The following ZNF148 variants were observed in gnomAD, a reference collection of about 807,000 sequenced individuals.
ZNF148 encodes the protein zinc finger protein 148, also known as Beta-Enolase Repressor Factor-1.
Under a neutral mutation model 67.7 loss-of-function variants are expected in ZNF148, and 7 were observed. That is an observed-to-expected ratio of 0.10 (90% CI 0.06 to 0.19). ZNF148 has a LOEUF of 0.19. Among genes scored for constraint, ZNF148 ranks in the 10% least tolerant of loss-of-function variants. The pLI, the probability that ZNF148 is intolerant of heterozygous loss-of-function variation, is 1.00. For synonymous variants in ZNF148, 333 were observed against 330.7 expected (o/e 1.01, Z -0.08); for missense variants, 583 against 947.1 (o/e 0.62, Z 5.05).
intron 4 of ZNF148, among the ~76,000 whole-genome samples, chr3:125,308,108 AAAGT>A (rs1239819511): frequency 1.2e-4 from 18 of 152,348 alleles, no homozygotes; most frequent in African/African-American, 3.4e-4. Context: ...TACAGATTGG[AAAGT>A]AAGTAAAACA....
intron 7 of ZNF148, among the ~76,000 whole-genome samples, chr3:125,269,464 T>C (rs1218062322): frequency 7.0e-6 from 1 of 143,190 alleles, no homozygotes; most frequent in Non-Finnish European, 1.5e-5. Context: ...AAAAAAAACA[T>C]GTTGGCGAAG....
Position 125,233,448 on chromosome 3 carries a change from A to G in ZNF148, c.1278T>C (p.Ala426=). Reference sequence around the variant, plus strand: ...AAGCCTGTTTATCCACAAGTTCAAAAGCATACTTTGAAACTTTGCTCTCTT... The same window carrying G: ...AAGCCTGTTTATCCACAAGTTCAAAGGCATACTTTGAAACTTTGCTCTCTT... ...TYEESKVSKY[A]FELVDKQALL... Residue 426 remains alanine (A), a synonymous_variant, in exon 9 of 9, where the codon GCT becomes GCC. Coordinates refer to ENST00000360647, the MANE Select transcript of ZNF148 (RefSeq NM_021964.3). The surrounding 1 kb of genome is among the most constrained non-coding windows in gnomAD (Gnocchi z 5.1). 1 of 1,613,934 alleles carries G rather than the reference A, an allele frequency of 6.2e-7. No homozygotes were observed. Among genetic ancestry groups the G allele is most frequent in the African/African-American group, 1.3e-5 (1 of 75,040 alleles).
chr3:125,366,537 C>T (rs1559786328), intron 1 of ZNF148, among the ~76,000 whole-genome samples: 4 of 151,964 alleles, frequency 2.6e-5, no homozygotes. Context: ...CCTTGGCCAG[C>T]TTTTTTTCTT....
At position 125,309,142 on chromosome 3, in the gene ZNF148, C is replaced by T. The variant is rs1940059335; in HGVS notation, c.333+4166G>A. ...CCAGGATTACTAAAACATTTGGTAT[C>T]TTGATGGATTATGGATTATACAAGT... On this transcript the variant is annotated intron_variant, in intron 4 of 8. Transcript: ENST00000360647. 2.0e-5 allele frequency among the ~76,000 whole-genome samples: 3 copies of T among 152,256 alleles called. 1 individual carries two copies. The highest frequency in any genetic ancestry group is 4.1e-4 in the South Asian group (2 of 4,820).
chr3:125,233,023 G>A lies in ZNF148; in HGVS notation c.1703C>T (p.Thr568Ile). The change falls in exon 9 of 9, where the codon ACT becomes ATT. Residue 568 changes from threonine to isoleucine, a missense_variant. Transcript: ENST00000360647. The surrounding 1 kb of genome is among the most constrained non-coding windows in gnomAD (Gnocchi z 5.1). Reference sequence around the variant, plus strand: ...TGAAGAATTTATTGATATGCTAGAAGTCACTTCAGTATCTGCAACACTGAA... The same window carrying A: ...TGAAGAATTTATTGATATGCTAGAAATCACTTCAGTATCTGCAACACTGAA... ...ISFSVADTEV[T>I]SSISINSSEV... 1 of 1,613,516 alleles carries A rather than the reference G, an allele frequency of 6.2e-7. No individual in the cohort carries two copies. The highest frequency in any genetic ancestry group is 8.5e-7 in the Non-Finnish European group (1 of 1,179,840).
Position 125,229,206 on chromosome 3 carries a change from T to C in ZNF148, c.*3135A>G, listed in dbSNP as rs1157476402. 1.1e-4 allele frequency: 1 copy of C among 9,058 alleles called. No individual in the cohort carries two copies. Among genetic ancestry groups the C allele is most frequent in the East Asian group, 7.5e-4 (1 of 1,340 alleles). 0.6% of individuals were successfully genotyped at this position (9,058 alleles called of 1,614,324 possible). A position where few individuals can be genotyped will look rare whatever the true frequency, so the allele number is the denominator to read the frequency against. On this transcript the variant is annotated 3_prime_UTR_variant, in exon 9 of 9. Transcript: ENST00000360647. ...GCCTACTTTTAAAGTTTCCCGGCCTTTTTTTTTTTTTTTTAAACAGCCCTT... is the reference window on the plus strand; with the variant it reads ...GCCTACTTTTAAAGTTTCCCGGCCTCTTTTTTTTTTTTTTAAACAGCCCTT...
intron 7 of ZNF148, among the ~76,000 whole-genome samples, chr3:125,265,859 G>A (rs552718344): frequency 6.6e-6 from 1 of 152,012 alleles, no homozygotes; most frequent in South Asian, 2.1e-4. Flanking sequence ...TTTAATTAAT[G>A]CACTTGTCTC....
At chr3:125,290,185 G>A (rs1215673218) in intron 4 of ZNF148, among the ~76,000 whole-genome samples, 1 of 152,152 alleles carries the variant, frequency 6.6e-6, no homozygotes, top group Non-Finnish European at 1.5e-5. Flanking sequence ...GAAGCGGTCA[G>A]ACATGATTTC....
At chr3:125,282,737 A>C (rs934894765) in intron 5 of ZNF148, among the ~76,000 whole-genome samples, 16 of 152,162 alleles carry the variant, frequency 1.1e-4, no homozygotes, top group Non-Finnish European at 2.1e-4. Context: ...ACATATGGTA[A>C]AGGTTATCTT....
rs1935802334 is a variant in ZNF148 at position 125,230,370 on chromosome 3, A to C, written c.*1971T>G. 6.6e-6 allele frequency: 1 copy of C among 152,590 alleles called. No homozygotes were observed. The highest frequency in any genetic ancestry group is 6.6e-5 in the Admixed American group (1 of 15,264). The allele number at this position is 152,590 out of a possible 1,614,324, so 9.5% of individuals were successfully genotyped here. On this transcript the variant is annotated 3_prime_UTR_variant, in exon 9 of 9. Transcript: ENST00000360647. ...TGCACAACACAACACACACAATCTT[A>C]AGAGTCAATAATGGCAGAACTTAAA...
At chr3:125,327,321 A>C (rs1308838509) in intron 2 of ZNF148, among the ~76,000 whole-genome samples, 1 of 152,090 alleles carries the variant, frequency 6.6e-6, no homozygotes, top group East Asian at 1.9e-4. Flanking sequence ...CACTCTAAAT[A>C]AGTGACAGAA....
chr3:125,333,465 C>G (rs1355526066), intron 1 of ZNF148, among the ~76,000 whole-genome samples: 1 of 152,182 alleles, frequency 6.6e-6, no homozygotes, highest in African/African-American at 2.4e-5. Flanking sequence ...ATTCATTTAG[C>G]ATCATCTACT....
chr3:125,332,897 T>C (rs1941346399), intron 1 of ZNF148, among the ~76,000 whole-genome samples: 1 of 152,196 alleles, frequency 6.6e-6, no homozygotes, highest in Non-Finnish European at 1.5e-5. Flanking sequence ...ATATTATATA[T>C]TCTGTACACA....
chr3:125,317,662 T>TAG (rs1553708261), intron 3 of ZNF148, among the ~76,000 whole-genome samples: 10,155 of 90,060 alleles, frequency 0.11, 626 homozygotes, highest in East Asian at 0.21. Flanking sequence ...TATATATATA[T>TAG]AGAGAGAGAG....
chr3:125,321,278 T>C (rs1940758850), intron 3 of ZNF148, among the ~76,000 whole-genome samples: 1 of 152,126 alleles, frequency 6.6e-6, no homozygotes, highest in African/African-American at 2.4e-5. Flanking sequence ...TGGTCTCTGA[T>C]CAGTGCTAAC....
intron 1 of ZNF148, among the ~76,000 whole-genome samples, chr3:125,352,754 G>A (rs551368020): frequency 1.3e-5 from 2 of 150,830 alleles, no homozygotes; most frequent in African/African-American, 4.9e-5. Flanking sequence ...TGTAGATACA[G>A]ATGTGATTAT....
intron 1 of ZNF148, among the ~76,000 whole-genome samples, chr3:125,342,859 G>A (rs1405817596): frequency 6.6e-6 from 1 of 152,160 alleles, no homozygotes; most frequent in East Asian, 1.9e-4. Flanking sequence ...AAATAAAAGT[G>A]AGGTTTCCAC....
chr3:125,234,422 A>G, intron 7 of ZNF148, 93 bp from the exon 8 acceptor site: 3 of 896,984 alleles, frequency 3.3e-6, no homozygotes, highest in Non-Finnish European at 3.5e-6. Flanking sequence ...ATGGCTTTTG[A>G]AAGTTGTAAC....
intron 1 of ZNF148, among the ~76,000 whole-genome samples, chr3:125,343,619 A>G (rs1377316084): frequency 6.6e-6 from 1 of 152,200 alleles, no homozygotes; most frequent in African/African-American, 2.4e-5. Flanking sequence ...GAGGATTGAA[A>G]AAAGGGCATT....
Sources: gnomAD v4.1 joint callset for allele counts (sites outside exome capture counted in the v4.1 genomes callset) on GRCh38, gnomAD v4.1.1 for gene constraint, Gnocchi (gnomAD v3.1) non-coding constraint, MANE v1.5 for transcripts, NCBI Gene and HGNC (gene_info 2026-07-23, HGNC 2026-07-21) for gene names.